The following TIAM2 variants were observed in gnomAD, a reference collection of about 807,000 sequenced individuals.
The protein encoded by TIAM2 is rho guanine nucleotide exchange factor TIAM2.
TIAM2 carries 80 observed loss-of-function variants against 152.9 expected under a neutral mutation model. That is an observed-to-expected ratio of 0.52 (90% CI 0.44 to 0.63). The LOEUF (loss-of-function observed/expected upper bound fraction) is 0.63, where lower values mean the gene tolerates loss of function less well. TIAM2 is among the 30% of genes least tolerant of loss of function. TIAM2 has a pLI of 0.00. For missense variants in TIAM2, 1,965 were observed against 2,120.1 expected (o/e 0.93, Z 1.44); for synonymous variants, 804 against 838.0 (o/e 0.96, Z 0.70).
chr6:155,178,944 T>C, intron 10 of TIAM2, 95 bp from the exon 11 acceptor site: 1 of 996,772 alleles, frequency 1.0e-6, no homozygotes, highest in South Asian at 1.6e-5. Flanking sequence ...AGTATTCTTT[T>C]AGAGATTTCT....
At position 155,220,225 on chromosome 6, in the gene TIAM2, C is replaced by A. The variant is rs551271522; in HGVS notation, c.3168+8918C>A. On this transcript the variant is annotated intron_variant, in intron 15 of 26. Transcript: ENST00000682666. ...CCTGATGAGTCCTCAGCTGGCTGTG[C>A]CTTTGCCAGGCAGGCTTTTAAAACT... Among the ~76,000 whole-genome samples the A allele has an allele frequency of 7.2e-5, 11 of 152,316 alleles. No homozygotes were observed. The South Asian group carries it at 1.7e-3, about 23-fold the overall frequency.
intron 14 of TIAM2, among the ~76,000 whole-genome samples, chr6:155,195,799 G>C (rs561649253): frequency 9.5e-4 from 145 of 152,350 alleles, no homozygotes; most frequent in Non-Finnish European, 1.8e-3. Flanking sequence ...GTGGCCGTCA[G>C]GGGGCAAAGC....
intron 15 of TIAM2, among the ~76,000 whole-genome samples, chr6:155,222,821 T>C (rs1027645805): frequency 2.6e-5 from 4 of 152,104 alleles, no homozygotes; most frequent in African/African-American, 9.7e-5. Flanking sequence ...CTGCTAGATA[T>C]CCCTTTTTAT....
At position 155,231,526 on chromosome 6, in the gene TIAM2, C is replaced by T. The variant is rs145429028; in HGVS notation, c.3169-9004C>T. ...TTTTTTAACTCCCACCACACCCTGC[C>T]AAGGGGCTGACGTGCTGCCCTTTTC... is the stretch of plus-strand genomic sequence containing the variant. On this transcript the variant is annotated intron_variant, in intron 15 of 26. Transcript: ENST00000682666. Among the ~76,000 whole-genome samples, 31 of 152,340 alleles carry T rather than the reference C, an allele frequency of 2.0e-4. No individual in the cohort carries two copies. The East Asian group carries it at 5.6e-3, about 27-fold the overall frequency.
rs1211293464 is a variant in TIAM2 at position 155,250,946 on chromosome 6, C to T, written c.3985C>T (p.His1329Tyr). ...TELSMGELLM[H>Y]STVSWLNPFL... ...ACTTTCGATGGGAGAGCTTCTGATG[C>T]ACTCTACGGTTTCCTGGTTGAATCC... is the stretch of plus-strand genomic sequence containing the variant. The change falls in exon 22 of 27, where the codon CAC (histidine) becomes TAC (tyrosine). Residue 1329 changes from histidine (H) to tyrosine (Y), a missense_variant. His to Tyr is a moderately conservative substitution (Grantham distance 83, BLOSUM62 2). Coordinates refer to ENST00000682666, the MANE Select transcript of TIAM2 (RefSeq NM_012454.4). 1 of 1,614,206 alleles carries T rather than the reference C, an allele frequency of 6.2e-7. No individual in the cohort carries two copies. Among genetic ancestry groups the T allele is most frequent in the Admixed American group, 1.7e-5 (1 of 60,034 alleles).
chr6:155,126,362 A>T (rs1023639213), intron 2 of TIAM2, among the ~76,000 whole-genome samples: 3 of 152,216 alleles, frequency 2.0e-5, no homozygotes, highest in Admixed American at 2.0e-4. Context: ...GTTCTGCAAG[A>T]TGGAAAGAGT....
chr6:155,219,943 G>T (rs957297450), intron 15 of TIAM2, among the ~76,000 whole-genome samples: 2 of 152,272 alleles, frequency 1.3e-5, no homozygotes, highest in Non-Finnish European at 2.9e-5. Context: ...TGCCTGGAAG[G>T]CCCTTTGGCA....
At chr6:155,236,709 C>T (rs1204768029) in intron 15 of TIAM2, among the ~76,000 whole-genome samples, 1 of 152,140 alleles carries the variant, frequency 6.6e-6, no homozygotes, top group Admixed American at 6.6e-5. Context: ...TGGATGGCAG[C>T]AGGCAAAGAG....
chr6:155,192,825 GGGA>G (rs1781241332), intron 14 of TIAM2, among the ~76,000 whole-genome samples: 1 of 152,170 alleles, frequency 6.6e-6, no homozygotes, highest in African/African-American at 2.4e-5. Context: ...AGTTGGAAAA[GGGA>G]GGAGTATTTT....
At chr6:155,077,787 A>G (rs1005927039) in intron 1 of TIAM2, among the ~76,000 whole-genome samples, 1 of 152,108 alleles carries the variant, frequency 6.6e-6, no homozygotes, top group Non-Finnish European at 1.5e-5. Context: ...GCAGGGGGGA[A>G]ATTAGCTGTA....
intron 22 of TIAM2, 50 bp downstream of exon 22, chr6:155,251,071 G>T: frequency 2.6e-6 from 4 of 1,534,736 alleles, no homozygotes; most frequent in South Asian, 1.1e-5. Context: ...CTGGGATTAC[G>T]GAAGAACTTC....
chr6:155,189,028 T>C (rs1381251246), intron 14 of TIAM2, among the ~76,000 whole-genome samples: 1 of 152,172 alleles, frequency 6.6e-6, no homozygotes, highest in East Asian at 1.9e-4. Flanking sequence ...GTGAGTAGCG[T>C]TGAGTCTCAA....
chr6:155,166,907 T>A (rs1192114295), intron 9 of TIAM2, among the ~76,000 whole-genome samples: 1 of 152,244 alleles, frequency 6.6e-6, no homozygotes, highest in Non-Finnish European at 1.5e-5. Context: ...GCTTTTATTT[T>A]CAATGAGCTG....
In TIAM2 at chr6:155,179,072, C is replaced by G. The variant is rs765040778; in HGVS notation, c.2557C>G (p.Gln853Glu). 1.2e-6 allele frequency: 2 copies of G among 1,614,002 alleles called. No homozygotes were observed. The highest frequency in any genetic ancestry group is 2.7e-5 in the African/African-American group (2 of 74,928). The change falls in exon 11 of 27, where the codon CAG (glutamine) becomes GAG (glutamate). Residue 853 changes from glutamine to glutamate, a missense_variant. This residue lies in a region of TIAM2 where 1,025 missense variants were observed against 1,119.4 expected (regional missense o/e 0.92). Coordinates refer to ENST00000682666, the MANE Select transcript of TIAM2 (RefSeq NM_012454.4). ...RQLEPSHYGL[Q>E]LRKLVDDNVE... ...GTTGGAACCCAGCCATTATGGCCTA[C>G]AGCTTCGAAAATTAGTAGATGACAA...
chr6:155,201,852 C>T (rs1008209638), intron 14 of TIAM2, among the ~76,000 whole-genome samples: 4 of 152,152 alleles, frequency 2.6e-5, no homozygotes, highest in African/African-American at 4.8e-5. Context: ...TGTTTATTGC[C>T]GGTGTTAGCT....
At chr6:155,172,686 A>ATATATATATAT (rs1562341365) in intron 9 of TIAM2, among the ~76,000 whole-genome samples, 1 of 19,644 alleles carries the variant, frequency 5.1e-5, no homozygotes, top group Non-Finnish European at 9.0e-5. Context: ...ATATATATAT[A>ATATATATATAT]TTTTTTTTTT....
At chr6:155,256,024 G>GGGA (rs61168889) in intron 26 of TIAM2, 14,078 of 195,972 alleles carry the variant, frequency 0.072, 738 homozygotes, top group Non-Finnish European at 0.086. Flanking sequence ...AAAAAAGGGG[G>GGGA]GGGGAGGGGC....
chr6:155,021,622 T>C (rs147577758), intron 1 of TIAM2, among the ~76,000 whole-genome samples: 1 of 152,290 alleles, frequency 6.6e-6, no homozygotes, highest in Non-Finnish European at 1.5e-5. Context: ...CCCTGCACCA[T>C]TTTACATTCC....
At chr6:155,027,969 AT>A (rs1314833103) in intron 1 of TIAM2, among the ~76,000 whole-genome samples, 2 of 126,438 alleles carry the variant, frequency 1.6e-5, no homozygotes, top group Non-Finnish European at 3.1e-5. Flanking sequence ...TATACTATAT[AT>A]AATATATGTA....
Sources: gnomAD v4.1 joint callset for allele counts (sites outside exome capture counted in the v4.1 genomes callset) on GRCh38, gnomAD v4.1.1 for gene constraint, gnomAD v4.1.1 regional missense constraint, MANE v1.5 for transcripts, NCBI Gene and HGNC (gene_info 2026-07-23, HGNC 2026-07-21) for gene names.